Variants in NOS2 observed in about 807,000 individuals in gnomAD.
NOS2 encodes the protein nitric oxide synthase 2, also known as nitric oxide synthase, inducible.
NOS2 carries 96 observed loss-of-function variants against 136.0 expected under a neutral mutation model. That is an observed-to-expected ratio of 0.71 (90% CI 0.60 to 0.84). The LOEUF is 0.84. Among genes scored for constraint, NOS2 ranks in the 40% least tolerant of loss-of-function variants. The pLI, the probability that NOS2 is intolerant of heterozygous loss-of-function variation, is 0.00. For missense variants in NOS2, 1,237 were observed against 1,496.9 expected (o/e 0.83, Z 2.87); for synonymous variants, 539 against 587.5 (o/e 0.92, Z 1.20).
chr17:27,773,152 G>A lies in NOS2; in HGVS notation c.1559+9C>T. ...CACATCACTACTAGCCACTGCCACT[G>A]CCACTCACTTGACCAAGACTTTCAA... is the stretch of plus-strand genomic sequence containing the variant. On this transcript the variant is annotated intron_variant, in intron 13 of 26. Transcript: ENST00000313735. 1 of 1,608,698 alleles carries A rather than the reference G, an allele frequency of 6.2e-7. No homozygotes were observed. The highest frequency in any genetic ancestry group is 2.2e-5 in the East Asian group (1 of 44,860).
chr17:27,788,768 G>T (rs776848787), intron 4 of NOS2, 41 bp downstream of exon 4: 1 of 1,589,448 alleles, frequency 6.3e-7, no homozygotes, highest in Non-Finnish European at 8.6e-7. Flanking sequence ...AGCTTCACCA[G>T]CTTGGGACAA....
At chr17:27,777,381 A>G (rs1346061307) in intron 11 of NOS2, among the ~76,000 whole-genome samples, 2 of 152,198 alleles carry the variant, frequency 1.3e-5, no homozygotes, top group African/African-American at 4.8e-5. Flanking sequence ...TCCCACAGGG[A>G]AGGGAAGTGT....
At chr17:27,769,739 G>C (rs1346133519) in intron 15 of NOS2, among the ~76,000 whole-genome samples, 155 bp from the exon 16 acceptor site, 1 of 152,190 alleles carries the variant, frequency 6.6e-6, no homozygotes, top group East Asian at 1.9e-4. Context: ...CCAAGGACCT[G>C]GTTGTCAGCT....
chr17:27,797,007 C>T (rs1022203127), intron 2 of NOS2, among the ~76,000 whole-genome samples: 2 of 152,130 alleles, frequency 1.3e-5, no homozygotes, highest in Non-Finnish European at 2.9e-5. Flanking sequence ...CCAGGGAGAG[C>T]GAGTCCAAAT....
In NOS2 at chr17:27,774,200, A is replaced by G. The variant is rs551337540; in HGVS notation, c.1476+57T>C. On this transcript the variant is annotated intron_variant, in intron 12 of 26. Transcript: ENST00000313735. ...GTAACAATGAGGTGCACACACACAC[A>G]CACACATACAGCCACATCTGAGCCC... 7.6e-6 allele frequency: 10 copies of G among 1,314,636 alleles called. No individual in the cohort carries two copies. The Admixed American group carries it at 2.4e-4, about 31-fold the overall frequency. The allele number at this position is 1,314,636 out of a possible 1,614,324, so 81.4% of individuals were successfully genotyped here.
chr17:27,795,330 AC>A (rs1909323569), intron 2 of NOS2, among the ~76,000 whole-genome samples: 1 of 152,116 alleles, frequency 6.6e-6, no homozygotes, highest in African/African-American at 2.4e-5. Context: ...CCAGGAATTG[AC>A]CTCCAGTAAG....
chr17:27,779,315 A>C (rs904052006), intron 9 of NOS2, among the ~76,000 whole-genome samples: 3 of 145,946 alleles, frequency 2.1e-5, no homozygotes, highest in African/African-American at 7.5e-5. Context: ...TATTATTATT[A>C]TTATTATTAT....
chr17:27,796,247 C>T (rs961287357), intron 2 of NOS2, among the ~76,000 whole-genome samples: 44 of 152,000 alleles, frequency 2.9e-4, no homozygotes, highest in Admixed American at 1.7e-3. Context: ...GTCAGGGGTT[C>T]GAGACCAGCC....
rs199957350 is a variant in NOS2 at position 27,761,247 on chromosome 17, A to G, written c.2801-16T>C. 3 of 1,593,702 alleles carry G rather than the reference A, an allele frequency of 1.9e-6. No individual in the cohort carries two copies. The highest frequency in any genetic ancestry group is 8.5e-7 in the Non-Finnish European group (1 of 1,171,090). On this transcript the variant is annotated splice_polypyrimidine_tract_variant and intron_variant, in intron 22 of 26. Coordinates refer to ENST00000313735, the MANE Select transcript of NOS2 (RefSeq NM_000625.4). ...CCCTGGCCATCTGCAACGATACCAC[A>G]AAGTGACCAACGTCCCCCCACTGCC... is the stretch of plus-strand genomic sequence containing the variant.
intron 3 of NOS2, 87 bp from the exon 4 acceptor site, chr17:27,789,018 G>A: frequency 1.3e-6 from 2 of 1,522,198 alleles, no homozygotes; most frequent in Non-Finnish European, 1.8e-6. Flanking sequence ...GGATCTATGG[G>A]TGGCCACACA....
In NOS2 at chr17:27,789,617, A is replaced by G. The variant is rs1460166728; in HGVS notation, c.182T>C (p.Val61Ala). The change falls in exon 3 of 27, where the codon GTG (valine) becomes GCG (alanine). Residue 61 changes from valine to alanine, a missense_variant. This residue lies in a region of NOS2 where 440 missense variants were observed against 545.4 expected (regional missense o/e 0.81). Transcript: ENST00000313735. ...TGACTCACTGACCTTTCCCGTCTCC[A>G]CGAGGGGCTGCGGGGACTCATTCTG... ...KQQNESPQPL[V>A]ETGKKSPESL... 2 of 1,613,660 alleles carry G rather than the reference A, an allele frequency of 1.2e-6. No individual in the cohort carries two copies. The highest frequency in any genetic ancestry group is 2.7e-5 in the African/African-American group (2 of 75,026).
intron 2 of NOS2, among the ~76,000 whole-genome samples, chr17:27,793,300 C>A (rs1037167944): frequency 1.3e-5 from 2 of 152,164 alleles, no homozygotes; most frequent in Non-Finnish European, 2.9e-5. Context: ...AACTTTCAAC[C>A]CCAGTGCTGA....
chr17:27,766,896 G>C (rs1273721879), intron 18 of NOS2, among the ~76,000 whole-genome samples: 1 of 150,344 alleles, frequency 6.7e-6, no homozygotes, highest in Admixed American at 6.7e-5. Context: ...AGTGCCAATA[G>C]TCCCAGCTAC....
At position 27,772,445 on chromosome 17, in the gene NOS2, G is replaced by T. The variant is rs1567636753; in HGVS notation, c.1567C>A (p.Leu523Ile). 6.2e-7 allele frequency: 1 copy of T among 1,613,986 alleles called. No individual in the cohort carries two copies. Among genetic ancestry groups the T allele is most frequent in the African/African-American group, 1.3e-5 (1 of 75,056 alleles). The part of the protein sequence containing the change: ...IPLKVLVKAV[L>I]FACMLMRKTM... ...TTGCGCATCAGCATACAGGCAAAGA[G>T]CACAGCTCTGTGGGGACAGACAGAC... is the stretch of plus-strand genomic sequence containing the variant. The change falls in exon 14 of 27, where the codon CTC becomes ATC. Residue 523 changes from leucine (L) to isoleucine (I), a missense_variant. By Grantham distance (5) the Leu-to-Ile change is conservative. This residue lies in a region of NOS2 where 782 missense variants were observed against 909.9 expected (regional missense o/e 0.86). Transcript: ENST00000313735.
At chr17:27,772,879 C>A (rs1255154406) in intron 13 of NOS2, among the ~76,000 whole-genome samples, 3 of 152,002 alleles carry the variant, frequency 2.0e-5, no homozygotes, top group South Asian at 4.2e-4. Flanking sequence ...ACAAAAAAAA[C>A]AAACAAAATT....
intron 25 of NOS2, 91 bp downstream of exon 25, chr17:27,759,939 A>T (rs1908058740): frequency 2.3e-6 from 3 of 1,306,086 alleles, no homozygotes; most frequent in Non-Finnish European, 3.1e-6. Context: ...CAGGAGGTGA[A>T]GGCTCGGGGA....
intron 21 of NOS2, 33 bp downstream of exon 21, chr17:27,763,948 A>G (rs1273616634): frequency 1.3e-6 from 2 of 1,584,520 alleles, no homozygotes; most frequent in East Asian, 2.3e-5. Flanking sequence ...GACCCCCCAC[A>G]TACCCCCACT....
At chr17:27,776,702 CAGT>C (rs1174178291) in intron 11 of NOS2, among the ~76,000 whole-genome samples, 8 of 147,866 alleles carry the variant, frequency 5.4e-5, no homozygotes, top group Admixed American at 4.7e-4. Context: ...AAAAAAAACT[CAGT>C]GGTAGCCACG....
chr17:27,768,936 G>C, intron 17 of NOS2, 41 bp downstream of exon 17: 1 of 1,545,018 alleles, frequency 6.5e-7, no homozygotes, highest in Non-Finnish European at 8.7e-7. Context: ...AATGCACCCT[G>C]TCATGTCCCT....
Sources: gnomAD v4.1 joint callset for allele counts (sites outside exome capture counted in the v4.1 genomes callset) on GRCh38, gnomAD v4.1.1 for gene constraint, gnomAD v4.1.1 regional missense constraint, MANE v1.5 for transcripts, NCBI Gene and HGNC (gene_info 2026-07-23, HGNC 2026-07-21) for gene names.